The following NECTIN1 variants were observed in gnomAD, a reference collection of about 807,000 sequenced individuals.
NECTIN1 encodes nectin cell adhesion molecule 1.
Under a neutral mutation model 48.0 loss-of-function variants are expected in NECTIN1, and 23 were observed. That is an observed-to-expected ratio of 0.48 (90% CI 0.34 to 0.68). The LOEUF (loss-of-function observed/expected upper bound fraction) is 0.68. Ranked by LOEUF, NECTIN1 falls within the 30% of genes least tolerant of loss-of-function variation. The pLI is 0.01. For synonymous variants in NECTIN1, 270 were observed against 288.9 expected (o/e 0.93, Z 0.66); for missense variants, 591 against 709.9 (o/e 0.83, Z 1.90).
rs142914380 is a variant in NECTIN1, at chr11:119,689,498, A to G, written c.80-10733T>C. 1.5e-4 allele frequency among the ~76,000 whole-genome samples: 23 copies of G among 152,276 alleles called. No individual in the cohort carries two copies. In the East Asian group the frequency reaches 3.9e-3, roughly 26 times the overall value. ...GTCAGAATTCTGCCTGCCCAGAGGC[A>G]CTCTGCTGTGGGAGGGAGCTGCAAA... On this transcript the variant is annotated intron_variant, in intron 1 of 5. Transcript: ENST00000264025.
intron 1 of NECTIN1, among the ~76,000 whole-genome samples, chr11:119,720,328 C>A (rs1425459578): frequency 6.6e-6 from 1 of 152,256 alleles, no homozygotes; most frequent in Non-Finnish European, 1.5e-5. Flanking sequence ...CAGTCCTGCC[C>A]GGGGCATGTA....
At chr11:119,639,814 C>A (rs373455164) in intron 6 of NECTIN1, 38 of 1,612,796 alleles carry the variant, frequency 2.4e-5, no homozygotes, top group Non-Finnish European at 3.0e-5. Context: ...TCCCAGGGTG[C>A]TGGGGAGCAG....
At chr11:119,725,822 G>A (rs1865899761) in intron 1 of NECTIN1, among the ~76,000 whole-genome samples, 1 of 152,130 alleles carries the variant, frequency 6.6e-6, no homozygotes. Flanking sequence ...GCCAATTAGG[G>A]AGGGTGTGGT....
rs1865090380 is a variant in NECTIN1 at position 119,683,206 on chromosome 11, A to T, written c.80-4441T>A. ...TCCCGCAGGTTCCCTCTTACATGAG[A>T]AGCAGAGGCTGGCCCAGATGTGGGA... is the stretch of plus-strand genomic sequence containing the variant. On this transcript the variant is annotated intron_variant, in intron 1 of 5. Coordinates refer to ENST00000264025, the MANE Select transcript of NECTIN1 (RefSeq NM_002855.5). The surrounding 1 kb of genome is among the most constrained non-coding windows in gnomAD (Gnocchi z 4.0). Among the ~76,000 whole-genome samples, 1 of 152,172 alleles carries T rather than the reference A, an allele frequency of 6.6e-6. No homozygotes were observed. The highest frequency in any genetic ancestry group is 2.4e-5 in the African/African-American group (1 of 41,428).
intron 1 of NECTIN1, among the ~76,000 whole-genome samples, chr11:119,699,771 C>T (rs1003597261): frequency 4.6e-5 from 7 of 152,166 alleles, no homozygotes; most frequent in Non-Finnish European, 5.9e-5. Context: ...AAGTGGCATT[C>T]GGGGTTGCCA....
rs1865938220 is a variant in NECTIN1, at chr11:119,727,878, C to T, written c.79+597G>A. ...GCGCCAGGCCGGGAGGAGGCTGCCCCGGCCTCACCCTCCAGGAAAGGAACC... is the reference window on the plus strand; with the variant it reads ...GCGCCAGGCCGGGAGGAGGCTGCCCTGGCCTCACCCTCCAGGAAAGGAACC... On this transcript the variant is annotated intron_variant, in intron 1 of 5. Coordinates refer to ENST00000264025, the MANE Select transcript of NECTIN1 (RefSeq NM_002855.5). This position sits in a 1 kb window ranked among gnomAD's most constrained non-coding sequence, Gnocchi z 4.1. Among the ~76,000 whole-genome samples, 1 of 152,206 alleles carries T rather than the reference C, an allele frequency of 6.6e-6. No homozygotes were observed. The highest frequency in any genetic ancestry group is 6.5e-5 in the Admixed American group (1 of 15,292).
chr11:119,638,143 G>C lies in NECTIN1; in HGVS notation c.1332C>G (p.Tyr444Ter), dbSNP rs369281086. The C allele has an allele frequency of 2.0e-5, 32 of 1,613,738 alleles. No homozygotes were observed. The African/African-American group carries it at 4.0e-4, about 20-fold the overall frequency. The change falls in exon 8 of 8, where the codon TAC becomes TAG. Residue 444 changes from tyrosine (Y) to a stop codon, truncating the protein, a stop_gained. Coordinates refer to the NECTIN1 transcript ENST00000341398. LOFTEE classifies it low-confidence loss of function (END_TRUNC). The stretch of plus-strand genomic sequence containing the variant: ...GTTCGGTTGTCCTTACCGAGGGGTG[G>C]TAGGAGGGGGAGACCCCCAGATCAT...
chr11:119,647,656 G>T (rs983489574), intron 5 of NECTIN1, among the ~76,000 whole-genome samples: 1 of 152,054 alleles, frequency 6.6e-6, no homozygotes, highest in Non-Finnish European at 1.5e-5. Flanking sequence ...AGGGGGTGGC[G>T]GGGGGAAGCA....
chr11:119,683,476 C>T lies in NECTIN1; in HGVS notation c.80-4711G>A, dbSNP rs1032913174. 1.3e-5 allele frequency among the ~76,000 whole-genome samples: 2 copies of T among 152,166 alleles called. No individual in the cohort carries two copies. The highest frequency in any genetic ancestry group is 4.8e-5 in the African/African-American group (2 of 41,520). On this transcript the variant is annotated intron_variant, in intron 1 of 5. Coordinates refer to ENST00000264025, the MANE Select transcript of NECTIN1 (RefSeq NM_002855.5). The surrounding 1 kb of genome is among the most constrained non-coding windows in gnomAD (Gnocchi z 4.0). ...CCATTGCCCCTTGTGAGAAATGGCA[C>T]AAACACCAGCTACAATACTGGGGTG... is the stretch of plus-strand genomic sequence containing the variant.
intron 1 of NECTIN1, among the ~76,000 whole-genome samples, chr11:119,682,499 C>A (rs11217391): frequency 6.6e-6 from 1 of 152,114 alleles, no homozygotes; most frequent in Non-Finnish European, 1.5e-5. Context: ...GGCAGCATGG[C>A]GGGGCTGTTA....
rs1157700441 is a variant in NECTIN1, at chr11:119,677,058, G to C, written c.851+44C>G. The C allele has an allele frequency of 6.4e-7, 1 of 1,553,750 alleles. No individual in the cohort carries two copies. Among genetic ancestry groups the C allele is most frequent in the East Asian group, 2.2e-5 (1 of 44,582 alleles). ...GTTGCCCCTCATCACCCGTGGTCCAGTCAGCTGTCTTCCAAGGTGACTGGT... is the reference window on the plus strand; with the variant it reads ...GTTGCCCCTCATCACCCGTGGTCCACTCAGCTGTCTTCCAAGGTGACTGGT... On this transcript the variant is annotated intron_variant, in intron 4 of 5. Transcript: ENST00000264025. The surrounding 1 kb of genome is among the most constrained non-coding windows in gnomAD (Gnocchi z 5.4).
rs1722858186 is a variant in NECTIN1 at position 119,727,455 on chromosome 11, A to C, written c.79+1020T>G. On this transcript the variant is annotated intron_variant, in intron 1 of 5. Transcript: ENST00000264025. This position sits in a 1 kb window ranked among gnomAD's most constrained non-coding sequence, Gnocchi z 4.1. ...CTCTGGTTTCTACCCAGAGAGCTGG[A>C]GGAACTCCCCACACCCCTTGACCCA... 6.6e-6 allele frequency among the ~76,000 whole-genome samples: 1 copy of C among 152,088 alleles called. No individual in the cohort carries two copies. Among genetic ancestry groups the C allele is most frequent in the Non-Finnish European group, 1.5e-5 (1 of 67,992 alleles).
Position 119,678,690 on chromosome 11 carries a change from C to G in NECTIN1, c.155G>C (p.Ser52Thr), listed in dbSNP as rs1483727222. 7 of 1,613,928 alleles carry G rather than the reference C, an allele frequency of 4.3e-6. No homozygotes were observed. Among genetic ancestry groups the G allele is most frequent in the South Asian group, 2.2e-5 (2 of 91,064 alleles). Residue 52 changes from serine (S) to threonine (T), a missense_variant, in exon 2 of 6, where the codon AGC (serine) becomes ACC (threonine). Coordinates refer to ENST00000264025, the MANE Select transcript of NECTIN1 (RefSeq NM_002855.5). The surrounding 1 kb of genome is among the most constrained non-coding windows in gnomAD (Gnocchi z 4.4). ...FIGTDVVLHC[S>T]FANPLPSVKI... Reference sequence around the variant, plus strand: ...CACGCTGGGAAGCGGGTTGGCAAAGCTGCAGTGCAGAACCACGTCTGTGCC... The same window carrying G: ...CACGCTGGGAAGCGGGTTGGCAAAGGTGCAGTGCAGAACCACGTCTGTGCC...
intron 1 of NECTIN1, among the ~76,000 whole-genome samples, chr11:119,682,846 G>T (rs1470001559): frequency 6.6e-6 from 1 of 152,128 alleles, no homozygotes; most frequent in East Asian, 1.9e-4. Flanking sequence ...ACTCCATACT[G>T]GACACTGTAG....
intron 1 of NECTIN1, among the ~76,000 whole-genome samples, chr11:119,706,986 C>T (rs1430542498): frequency 6.6e-6 from 1 of 152,186 alleles, no homozygotes; most frequent in Non-Finnish European, 1.5e-5. Flanking sequence ...TCAATTCTCC[C>T]TCCCCCTGGA....
intron 5 of NECTIN1, among the ~76,000 whole-genome samples, chr11:119,643,804 G>C (rs1864358241): frequency 6.6e-6 from 1 of 152,250 alleles, no homozygotes; most frequent in Non-Finnish European, 1.5e-5. Context: ...CTGTGAGCCG[G>C]GAGAGCTGGA....
chr11:119,704,672 T>C (rs911044957), intron 1 of NECTIN1, among the ~76,000 whole-genome samples: 1 of 152,204 alleles, frequency 6.6e-6, no homozygotes, highest in Non-Finnish European at 1.5e-5. Context: ...TTTCTAAGTG[T>C]TGGCAGGGCT....
intron 5 of NECTIN1, among the ~76,000 whole-genome samples, chr11:119,666,191 G>A (rs1195451786): frequency 6.6e-6 from 1 of 152,240 alleles, no homozygotes; most frequent in African/African-American, 2.4e-5. Flanking sequence ...GTACACACAA[G>A]TGGGCACATG....
At chr11:119,643,342 T>C (rs945302847) in intron 5 of NECTIN1, among the ~76,000 whole-genome samples, 1 of 152,236 alleles carries the variant, frequency 6.6e-6, no homozygotes, top group Non-Finnish European at 1.5e-5. Flanking sequence ...TTGGGGCATA[T>C]TTGATCCTCG....
Sources: allele counts gnomAD v4.1 joint callset (sites outside exome capture counted in the v4.1 genomes callset), GRCh38; gene constraint gnomAD v4.1.1; non-coding constraint Gnocchi (gnomAD v3.1); transcripts MANE v1.5; gene names NCBI Gene and HGNC (gene_info 2026-07-23, HGNC 2026-07-21).